The following MAML2 variants were observed in gnomAD, a reference collection of about 807,000 sequenced individuals.
MAML2 encodes mastermind like transcriptional coactivator 2, also known as mastermind-like protein 2.
A neutral mutation model predicts 96.1 loss-of-function variants in MAML2; 22 were observed. The ratio of observed to expected loss-of-function variants is 0.23; its 90% CI spans 0.16 to 0.33. The LOEUF (loss-of-function observed/expected upper bound fraction) is 0.33, where lower values mean the gene tolerates loss of function less well. Among genes scored for constraint, MAML2 ranks in the 10% least tolerant of loss-of-function variants. MAML2 has a pLI of 1.00. For missense variants in MAML2, 1,367 were observed against 1,392.4 expected, an observed-to-expected ratio of 0.98 and a Z score of 0.29; for synonymous variants, 561 against 521.3, an observed-to-expected ratio of 1.08 and a Z score of -1.04.
chr11:96,187,759 A>G (rs886107958), intron 1 of MAML2, among the ~76,000 whole-genome samples: 1 of 149,742 alleles, frequency 6.7e-6, no homozygotes, highest in African/African-American at 2.5e-5. Context: ...GTGCCACTGC[A>G]CTCCAGCCTG....
intron 1 of MAML2, among the ~76,000 whole-genome samples, chr11:96,244,714 C>T (rs1862488411): frequency 6.6e-6 from 1 of 152,034 alleles, no homozygotes; most frequent in African/African-American, 2.4e-5. Context: ...TGCTATAGGC[C>T]AGGGAGTGAG....
At chr11:96,287,015 T>C (rs1456139588) in intron 1 of MAML2, among the ~76,000 whole-genome samples, 1 of 152,068 alleles carries the variant, frequency 6.6e-6, no homozygotes, top group African/African-American at 2.4e-5. Context: ...GATGCGCTGC[T>C]CTAGAGATGA....
chr11:96,320,047 C>T (rs953643443), intron 1 of MAML2, among the ~76,000 whole-genome samples: 7 of 152,336 alleles, frequency 4.6e-5, no homozygotes, highest in African/African-American at 1.4e-4. Flanking sequence ...GCAGAAGCTA[C>T]AGTGAACTTG....
chr11:96,093,749 T>A (rs1209344868), intron 1 of MAML2, among the ~76,000 whole-genome samples: 1 of 152,178 alleles, frequency 6.6e-6, no homozygotes, highest in Non-Finnish European at 1.5e-5. Flanking sequence ...ATCAATTAGG[T>A]TAGAGATCAG....
intron 1 of MAML2, among the ~76,000 whole-genome samples, chr11:96,217,876 C>T (rs77909586): frequency 0.07 from 10,604 of 152,216 alleles, 465 homozygotes; most frequent in Non-Finnish European, 0.096. Context: ...AGGAAGATTA[C>T]GACAATTTTA....
At chr11:96,133,574 A>G (rs1056018829) in intron 1 of MAML2, among the ~76,000 whole-genome samples, 4 of 152,226 alleles carry the variant, frequency 2.6e-5, no homozygotes, top group African/African-American at 9.6e-5. Context: ...TAAGAAAATA[A>G]AAATATTAAA....
intron 1 of MAML2, among the ~76,000 whole-genome samples, chr11:96,188,507 A>G (rs908792091): frequency 1.3e-5 from 2 of 152,240 alleles, no homozygotes; most frequent in South Asian, 4.1e-4. Flanking sequence ...GGGTCCCACA[A>G]GCAAAGAGAA....
intron 1 of MAML2, among the ~76,000 whole-genome samples, chr11:96,271,467 C>T (rs1431145193): frequency 1.3e-5 from 2 of 152,112 alleles, no homozygotes; most frequent in South Asian, 2.1e-4. Context: ...ATTGTAGTTC[C>T]CATAATCCTC....
intron 1 of MAML2, among the ~76,000 whole-genome samples, chr11:96,240,754 A>T (rs925086573): frequency 2.6e-5 from 4 of 152,114 alleles, no homozygotes; most frequent in Non-Finnish European, 4.4e-5. Flanking sequence ...CTACTAAATG[A>T]AAACTGCCAG....
intron 1 of MAML2, among the ~76,000 whole-genome samples, chr11:96,212,901 C>A (rs1861991907): frequency 6.6e-6 from 1 of 152,080 alleles, no homozygotes; most frequent in South Asian, 2.1e-4. Flanking sequence ...TGGTATAACT[C>A]AAAAATTATT....
intron 2 of MAML2, among the ~76,000 whole-genome samples, chr11:96,034,325 A>T (rs1264199979): frequency 1.3e-5 from 2 of 152,094 alleles, no homozygotes; most frequent in Non-Finnish European, 2.9e-5. Context: ...GGAAGCACAG[A>T]ATATGACCCC....
chr11:96,057,656 C>T lies in MAML2; in HGVS notation c.2139+34236G>A, dbSNP rs567306663. 7.7e-4 allele frequency among the ~76,000 whole-genome samples: 118 copies of T among 152,294 alleles called. 1 individual carries two copies. Among genetic ancestry groups the T allele is most frequent in the Admixed American group, 1.4e-3 (21 of 15,296 alleles). On this transcript the variant is annotated intron_variant, in intron 2 of 4. Transcript: ENST00000524717. ...ACAAATGTTTCACTTTCCTTATTTTCTAAATACAGCAACACTTCATCTATT... is the reference window on the plus strand; with the variant it reads ...ACAAATGTTTCACTTTCCTTATTTTTTAAATACAGCAACACTTCATCTATT...
At chr11:96,328,270 C>T (rs369385432) in intron 1 of MAML2, among the ~76,000 whole-genome samples, 8 of 152,164 alleles carry the variant, frequency 5.3e-5, no homozygotes, top group African/African-American at 1.4e-4. Flanking sequence ...AGCCATGTTG[C>T]ATAACACCAA....
chr11:95,993,084 A>T (rs1591081113), intron 2 of MAML2, among the ~76,000 whole-genome samples: 1 of 151,110 alleles, frequency 6.6e-6, no homozygotes, highest in South Asian at 2.1e-4. Context: ...TAATTTTTAA[A>T]TTTTTTTTAG....
intron 1 of MAML2, among the ~76,000 whole-genome samples, chr11:96,237,899 C>A (rs980383080): frequency 1.3e-5 from 2 of 152,224 alleles, no homozygotes; most frequent in African/African-American, 4.8e-5. Context: ...ACAACTCAAG[C>A]ATCTGTTTTA....
At chr11:96,014,097 G>A (rs183979117) in intron 2 of MAML2, among the ~76,000 whole-genome samples, 1 of 152,152 alleles carries the variant, frequency 6.6e-6, no homozygotes, top group African/African-American at 2.4e-5. Context: ...CTCCCTTAGA[G>A]GTTTGATCAG....
chr11:96,231,830 A>C (rs1368050265), intron 1 of MAML2, among the ~76,000 whole-genome samples: 1 of 152,260 alleles, frequency 6.6e-6, no homozygotes, highest in East Asian at 1.9e-4. Context: ...CCTTAGGTTA[A>C]AAAATATGTC....
At chr11:96,100,135 A>T (rs1031937829) in intron 1 of MAML2, among the ~76,000 whole-genome samples, 3 of 152,032 alleles carry the variant, frequency 2.0e-5, no homozygotes, top group Admixed American at 6.6e-5. Context: ...CCCCATCTGG[A>T]CTCCATGCCC....
intron 1 of MAML2, among the ~76,000 whole-genome samples, chr11:96,158,857 T>C (rs1252459554): frequency 6.6e-6 from 1 of 152,140 alleles, no homozygotes; most frequent in Non-Finnish European, 1.5e-5. Context: ...AAATCTACTG[T>C]GTTAAGAGAA....
Sources: allele counts gnomAD v4.1 joint callset (sites outside exome capture counted in the v4.1 genomes callset), GRCh38; gene constraint gnomAD v4.1.1; transcripts MANE v1.5; gene names NCBI Gene and HGNC (gene_info 2026-07-23, HGNC 2026-07-21).